Variants in DIXDC1 observed in about 807,000 individuals in gnomAD.
The protein encoded by DIXDC1 is dixin.
In DIXDC1, 64 loss-of-function variants were observed where a neutral mutation model predicts 103.1. That is an observed-to-expected ratio of 0.62 (90% confidence interval 0.51 to 0.76). The LOEUF (loss-of-function observed/expected upper bound fraction) is 0.76. Among genes scored for constraint, DIXDC1 ranks in the 30% least tolerant of loss-of-function variants. The probability of loss-of-function intolerance (pLI) is 0.00; values close to 1 mark genes in which losing one functional copy is unlikely to be tolerated. For synonymous variants in DIXDC1, 266 were observed against 298.5 expected, an observed-to-expected ratio of 0.89 and a Z score of 1.12; for missense variants, 759 against 834.2, an observed-to-expected ratio of 0.91 and a Z score of 1.11.
In DIXDC1 at chr11:112,019,008, G is replaced by T; in HGVS notation, c.2024G>T (p.Trp675Leu). ...GGATGGGAAGGGAAAATTGTAGCTT[G>T]GGTGGAAGAAGACCATGGAGAGAAT... Reference protein sequence around the residue: ...IPGWEGKIVAWVEEDHGEN With the variant: ...IPGWEGKIVALVEEDHGEN The change falls in exon 20 of 20, where the codon TGG (tryptophan) becomes TTG (leucine). Residue 675 changes from tryptophan to leucine, a missense_variant. Physicochemically the swap from Trp to Leu is moderately conservative, Grantham distance 61. Transcript: ENST00000440460. 2 of 1,613,080 alleles carry T rather than the reference G, an allele frequency of 1.2e-6. No individual in the cohort carries two copies. The highest frequency in any genetic ancestry group is 1.7e-6 in the Non-Finnish European group (2 of 1,179,284).
chr11:111,953,463 C>G (rs1555170276), intron 1 of DIXDC1, among the ~76,000 whole-genome samples: 1 of 152,002 alleles, frequency 6.6e-6, no homozygotes, highest in Non-Finnish European at 1.5e-5. Context: ...ATGGTGAAAC[C>G]CCGTCTCTAC....
At chr11:111,973,961 G>A in intron 3 of DIXDC1, 62 bp from the exon 4 acceptor site, 1 of 1,522,516 alleles carries the variant, frequency 6.6e-7, no homozygotes, top group Non-Finnish European at 9.0e-7. Context: ...GAAGTCCTCA[G>A]CTTTTGCCTC....
intron 17 of DIXDC1, among the ~76,000 whole-genome samples, chr11:112,010,800 T>C (rs1861391907): frequency 6.6e-6 from 1 of 152,092 alleles, no homozygotes; most frequent in Non-Finnish European, 1.5e-5. Context: ...CAAAAATTAA[T>C]TCAAGATGGA....
intron 1 of DIXDC1, among the ~76,000 whole-genome samples, chr11:111,950,428 ATATATATATATTTTTTTTTTTTTT>A (rs1966750125): frequency 4.7e-5 from 1 of 21,350 alleles, no homozygotes; most frequent in Non-Finnish European, 7.6e-5. Context: ...ATATATATAT[ATATATATATATTTTTTTTTTTTTT>A]TTTTTTTTTT....
At chr11:111,979,610 T>G (rs1466103277) in intron 5 of DIXDC1, among the ~76,000 whole-genome samples, 5 of 152,136 alleles carry the variant, frequency 3.3e-5, no homozygotes, top group Admixed American at 3.3e-4. Flanking sequence ...TTTTGGAGAT[T>G]TAAAATTCCA....
chr11:111,990,765 G>C (rs1395702467), intron 10 of DIXDC1, among the ~76,000 whole-genome samples: 1 of 152,058 alleles, frequency 6.6e-6, no homozygotes, highest in Admixed American at 6.5e-5. Flanking sequence ...GGAGTGCAAT[G>C]GTATGATCTC....
At chr11:111,953,966 T>G (rs929997781) in intron 1 of DIXDC1, among the ~76,000 whole-genome samples, 4 of 152,228 alleles carry the variant, frequency 2.6e-5, no homozygotes, top group Admixed American at 6.5e-5. Flanking sequence ...TTTTTTTTTT[T>G]GTCATTATTC....
rs1276147788 is a variant in DIXDC1 at position 111,958,943 on chromosome 11, G to A, written c.61-5606G>A. 6.6e-6 allele frequency among the ~76,000 whole-genome samples: 1 copy of A among 152,126 alleles called. No individual in the cohort carries two copies. Among genetic ancestry groups the A allele is most frequent in the Non-Finnish European group, 1.5e-5 (1 of 68,020 alleles). On this transcript the variant is annotated intron_variant, in intron 1 of 19. Coordinates refer to ENST00000440460, the MANE Select transcript of DIXDC1 (RefSeq NM_001037954.4). The surrounding 1 kb of genome is among the most constrained non-coding windows in gnomAD (Gnocchi z 4.2). Reference sequence around the variant, plus strand: ...TGATGGGAAAACCAGCCAAGGAGAAGAGCTACCCACTCCAGGGTCTTCACT... The same window carrying A: ...TGATGGGAAAACCAGCCAAGGAGAAAAGCTACCCACTCCAGGGTCTTCACT...
At chr11:112,010,483 C>A (rs183587463) in intron 17 of DIXDC1, among the ~76,000 whole-genome samples, 2 of 152,312 alleles carry the variant, frequency 1.3e-5, no homozygotes, top group East Asian at 3.8e-4. Flanking sequence ...AAAAAAGAGC[C>A]CACATTGCCA....
intron 1 of DIXDC1, among the ~76,000 whole-genome samples, chr11:111,938,076 G>A (rs1247368534): frequency 1.3e-5 from 2 of 152,164 alleles, no homozygotes; most frequent in Non-Finnish European, 2.9e-5. Context: ...AGATTTCTCT[G>A]CAATCAAGGA....
intron 17 of DIXDC1, among the ~76,000 whole-genome samples, chr11:112,007,226 A>G (rs1555176701): frequency 6.6e-6 from 1 of 152,238 alleles, no homozygotes; most frequent in Non-Finnish European, 1.5e-5. Context: ...GATCAAATTA[A>G]TGAAATAAAG....
chr11:111,974,962 C>A lies in DIXDC1; in HGVS notation c.635C>A (p.Pro212Gln). 1.2e-6 allele frequency: 2 copies of A among 1,612,526 alleles called. No individual in the cohort carries two copies. The highest frequency in any genetic ancestry group is 1.7e-6 in the Non-Finnish European group (2 of 1,179,486). ...CAGTACGAAGGGCAACAAAGGTCCC[C>A]GTCTGAATCCAGCTGCTCCAGGTAA... Reference protein sequence around the residue: ...VQQYEGQQRSPSESSCSSLTS... With the variant: ...VQQYEGQQRSQSESSCSSLTS... The change falls in exon 5 of 20, where the codon CCG becomes CAG. Residue 212 changes from proline (P) to glutamine (Q), a missense_variant. Pro to Gln is a moderately conservative substitution (Grantham distance 76). This residue lies in a region of DIXDC1 where 657 missense variants were observed against 727.5 expected (regional missense o/e 0.90). Transcript: ENST00000440460.
rs1859473993 is a variant in DIXDC1, at chr11:111,958,767, G to A, written c.61-5782G>A. 6.6e-6 allele frequency among the ~76,000 whole-genome samples: 1 copy of A among 152,126 alleles called. No homozygotes were observed. Among genetic ancestry groups the A allele is most frequent in the Non-Finnish European group, 1.5e-5 (1 of 68,030 alleles). On this transcript the variant is annotated intron_variant, in intron 1 of 19. Coordinates refer to ENST00000440460, the MANE Select transcript of DIXDC1 (RefSeq NM_001037954.4). This position sits in a 1 kb window ranked among gnomAD's most constrained non-coding sequence, Gnocchi z 4.2. The stretch of plus-strand genomic sequence containing the variant: ...TGGTGTTTTTTCCAGGCCTACCCAT[G>A]GCCACCCATGAACCAATCAGTACAC...
upstream of DIXDC1, chr11:111,937,128 G>GGC (rs1555168204): frequency 4.4e-6 from 3 of 684,172 alleles, no homozygotes; most frequent in African/African-American, 6.3e-5. Flanking sequence ...GCTGCGGCCC[G>GGC]GGCGGGGGGG....
At position 111,995,127 on chromosome 11, in the gene DIXDC1, G is replaced by A. The variant is rs895856621; in HGVS notation, c.1527+19G>A. On this transcript the variant is annotated intron_variant, in intron 15 of 19. Coordinates refer to ENST00000440460, the MANE Select transcript of DIXDC1 (RefSeq NM_001037954.4). The stretch of plus-strand genomic sequence containing the variant: ...CAGAGGGGTACGTACCTGGAGTTTT[G>A]ATGGAGTCCTGCCACTTCTCACTGA... 6.2e-7 allele frequency: 1 copy of A among 1,610,378 alleles called. No individual in the cohort carries two copies. The highest frequency in any genetic ancestry group is 8.5e-7 in the Non-Finnish European group (1 of 1,178,324).
upstream of DIXDC1, among the ~76,000 whole-genome samples, chr11:111,936,845 A>AGTGTGTGTGT (rs57332873): frequency 1.1e-4 from 16 of 140,852 alleles, no homozygotes; most frequent in African/African-American, 3.4e-4. Context: ...TTAAGTTAGC[A>AGTGTGTGTGT]GTGTGTGTGT....
intron 1 of DIXDC1, among the ~76,000 whole-genome samples, chr11:111,948,924 G>A (rs587713148): frequency 1.3e-5 from 2 of 152,010 alleles, no homozygotes; most frequent in African/African-American, 4.8e-5. Flanking sequence ...AACTCTTAGA[G>A]CTCACCTTAC....
intron 1 of DIXDC1, chr11:111,945,637 G>A (rs1361453722): frequency 6.6e-6 from 1 of 151,996 alleles, no homozygotes; most frequent in Admixed American, 6.6e-5. Context: ...ATGCGAAAGA[G>A]CTTCATTTAT....
Position 111,977,387 on chromosome 11 carries a change from T to G in DIXDC1, c.656+2404T>G. 9.3e-7 allele frequency: 1 copy of G among 1,080,076 alleles called. No individual in the cohort carries two copies. The allele number at this position is 1,080,076 out of a possible 1,614,324, so 66.9% of individuals were successfully genotyped here. On this transcript the variant is annotated intron_variant, in intron 5 of 19. Transcript: ENST00000440460. The surrounding 1 kb of genome is among the most constrained non-coding windows in gnomAD (Gnocchi z 6.1). ...GCGCCGCCGGGAGCCTCCCTCCCAG[T>G]GGGAGATGGGTTGAGATGCCCCCGC...
Sources: gnomAD v4.1 joint callset for allele counts (sites outside exome capture counted in the v4.1 genomes callset) on GRCh38, gnomAD v4.1.1 for gene constraint, gnomAD v4.1.1 regional missense constraint, Gnocchi (gnomAD v3.1) non-coding constraint, MANE v1.5 for transcripts, NCBI Gene and HGNC (gene_info 2026-07-23, HGNC 2026-07-21) for gene names.